KLHL5: variants seen among roughly 807,000 people sequenced by gnomAD.
KLHL5 encodes kelch like family member 5.
In KLHL5, 48 loss-of-function variants were observed where a neutral mutation model predicts 77.7. That is an observed-to-expected ratio of 0.62 (90% CI 0.49 to 0.79). The LOEUF (loss-of-function observed/expected upper bound fraction) is 0.79, where lower values mean the gene tolerates loss of function less well. Ranked by LOEUF, KLHL5 falls within the 30% of genes least tolerant of loss-of-function variation. KLHL5 has a pLI of 0.00. For synonymous variants in KLHL5, 260 were observed against 297.0 expected, an observed-to-expected ratio of 0.88 and a Z score of 1.28; for missense variants, 723 against 859.7, an observed-to-expected ratio of 0.84 and a Z score of 1.99.
the KLHL5 span, among the ~76,000 whole-genome samples, chr4:39,139,168 G>A: frequency 2.0e-5 from 3 of 151,930 alleles, no homozygotes; most frequent in South Asian, 6.2e-4. Context: ...TGTAATCCCA[G>A]CTACTCGGGA....
intron 8 of KLHL5, 46 bp downstream of exon 8, chr4:39,107,777 T>G (rs756682286): frequency 6.9e-6 from 10 of 1,442,250 alleles, no homozygotes; most frequent in African/African-American, 1.4e-5. Flanking sequence ...TACACCAAAT[T>G]TATTAAGCTA....
At chr4:39,119,395 G>T (rs183455721) in intron 10 of KLHL5, among the ~76,000 whole-genome samples, 1 of 152,236 alleles carries the variant, frequency 6.6e-6, no homozygotes, top group African/African-American at 2.4e-5. Flanking sequence ...GAGACAGCCT[G>T]GGCAACATGG....
chr4:39,068,603 A>G (rs1560411711), intron 1 of KLHL5, among the ~76,000 whole-genome samples: 1 of 152,174 alleles, frequency 6.6e-6, no homozygotes, highest in Non-Finnish European at 1.5e-5. Context: ...ATTGAATCAT[A>G]ATAGTTCCCA....
Position 39,081,019 on chromosome 4 carries a change from A to C in KLHL5, c.567-84A>C. 1.4e-6 allele frequency: 2 copies of C among 1,387,672 alleles called. No homozygotes were observed. Among genetic ancestry groups the C allele is most frequent in the African/African-American group, 1.4e-5 (1 of 69,084 alleles). The allele number at this position is 1,387,672 out of a possible 1,614,324, so 86.0% of individuals were successfully genotyped here. ...CCTAGTACCATGCACTGTGAGTAAC[A>C]AATAAAAAAGAAGCAGCAGCATTTA... On this transcript the variant is annotated intron_variant, in intron 2 of 10. Coordinates refer to ENST00000504108, the MANE Select transcript of KLHL5 (RefSeq NM_015990.5). This position sits in a 1 kb window ranked among gnomAD's most constrained non-coding sequence, Gnocchi z 4.3.
chr4:39,075,991 C>A lies in KLHL5; in HGVS notation c.410C>A (p.Ser137Ter). 1.2e-6 allele frequency: 2 copies of A among 1,610,534 alleles called. No homozygotes were observed. The highest frequency in any genetic ancestry group is 2.2e-5 in the South Asian group (2 of 90,102). Reference protein sequence around the residue: ...CRTSNSSQTLSSCHTMEPCTS... With the variant: ...CRTSNSSQTL ...ACTTCCAATAGTAGTCAGACATTAT[C>A]ATCCTGTCATACTATGGAGCCATGT... The change falls in exon 2 of 11, where the codon TCA (serine) becomes TAA (stop). Residue 137 changes from serine to a stop codon, truncating the protein, a stop_gained. Transcript: ENST00000504108. LOFTEE classifies it high-confidence loss of function.
intron 7 of KLHL5, among the ~76,000 whole-genome samples, chr4:39,105,055 G>A (rs1483755652): frequency 7.9e-5 from 12 of 151,938 alleles, no homozygotes; most frequent in East Asian, 3.9e-4. Flanking sequence ...GAGCCACCAC[G>A]CCTGGCCTAA....
At chr4:39,080,548 ATGTAT>A (rs1719518862) in intron 2 of KLHL5, among the ~76,000 whole-genome samples, 1 of 151,704 alleles carries the variant, frequency 6.6e-6, no homozygotes. Flanking sequence ...TATAATTTAA[ATGTAT>A]TATATATGAC....
chr4:39,129,072 G>A (rs1165405646), downstream of KLHL5, among the ~76,000 whole-genome samples: 2 of 151,152 alleles, frequency 1.3e-5, no homozygotes, highest in African/African-American at 4.9e-5. This position sits in a 1 kb window ranked among gnomAD's most constrained non-coding sequence, Gnocchi z 4.2. Context: ...TCCCAACCTT[G>A]TTTAAGTAGC....
At chr4:39,131,520 A>T (rs1488414731), downstream of KLHL5, among the ~76,000 whole-genome samples, 3 of 152,344 alleles carry the variant, frequency 2.0e-5, no homozygotes, top group East Asian at 5.8e-4. Flanking sequence ...CCACAAATTC[A>T]GAATGAAACA....
At chr4:39,074,151 ACC>A (rs1718779812) in intron 1 of KLHL5, among the ~76,000 whole-genome samples, 1 of 152,168 alleles carries the variant, frequency 6.6e-6, no homozygotes, top group African/African-American at 2.4e-5. Context: ...AAGTCATTAC[ACC>A]AGTAATATTC....
At chr4:39,112,847 C>T (rs1318039196) in intron 8 of KLHL5, 173 bp from the exon 9 acceptor site, 9 of 603,302 alleles carry the variant, frequency 1.5e-5, no homozygotes, top group African/African-American at 1.9e-5. Flanking sequence ...ATATATGATA[C>T]TTACATGTGT....
At chr4:39,092,363 G>T (rs1383736632) in intron 5 of KLHL5, among the ~76,000 whole-genome samples, 2 of 152,030 alleles carry the variant, frequency 1.3e-5, no homozygotes, top group Admixed American at 1.3e-4. Context: ...ATAATTTATA[G>T]ATACTATCTG....
In KLHL5 at chr4:39,081,934, G is replaced by A. The variant is rs751479086; in HGVS notation, c.704-29G>A. On this transcript the variant is annotated intron_variant, in intron 3 of 10. Transcript: ENST00000504108. This position sits in a 1 kb window ranked among gnomAD's most constrained non-coding sequence, Gnocchi z 4.3. Reference sequence around the variant, plus strand: ...TAAAATAAGGTTAATGTAGTTCCATGGCTAATGGAATTTCTTTTTATCATT... The same window carrying A: ...TAAAATAAGGTTAATGTAGTTCCATAGCTAATGGAATTTCTTTTTATCATT... 6.7e-7 allele frequency: 1 copy of A among 1,484,428 alleles called. No individual in the cohort carries two copies. The highest frequency in any genetic ancestry group is 9.2e-7 in the Non-Finnish European group (1 of 1,092,440). 92.0% of individuals were successfully genotyped at this position (1,484,428 alleles called of 1,614,324 possible).
chr4:39,062,436 A>G lies in KLHL5; in HGVS notation c.-217A>G. On this transcript the variant is annotated 5_prime_UTR_variant, in exon 1 of 11. Transcript: ENST00000504108. ...TTGCTCTGATTGAACGGAATGTTCC[A>G]CCGTGTTTCATCTTTATTCATTATC... 6.6e-7 allele frequency: 1 copy of G among 1,522,380 alleles called. No homozygotes were observed. The highest frequency in any genetic ancestry group is 1.3e-5 in the South Asian group (1 of 75,294). The allele number at this position is 1,522,380 out of a possible 1,614,324, so 94.3% of individuals were successfully genotyped here.
intron 1 of KLHL5, chr4:39,045,140 G>C: frequency 1.7e-5 from 17 of 984,258 alleles, no homozygotes; most frequent in Non-Finnish European, 1.9e-5. Flanking sequence ...GGGCCGCCTC[G>C]GGCAGGGCCC....
intron 5 of KLHL5, among the ~76,000 whole-genome samples, chr4:39,092,881 A>G (rs1720716989): frequency 6.6e-6 from 1 of 152,232 alleles, no homozygotes; most frequent in African/African-American, 2.4e-5. Context: ...GTGCAAAAAC[A>G]GGAACCCTCG....
chr4:39,046,297 G>A (rs1016750194), intron 1 of KLHL5, among the ~76,000 whole-genome samples: 1 of 151,988 alleles, frequency 6.6e-6, no homozygotes, highest in African/African-American at 2.4e-5. Context: ...AAACTAAATG[G>A]GAAAATTGAG....
chr4:39,054,362 C>T (rs981015688), intron 1 of KLHL5, among the ~76,000 whole-genome samples: 3 of 152,208 alleles, frequency 2.0e-5, no homozygotes, highest in African/African-American at 7.2e-5. Context: ...TAATTAATCT[C>T]ACTTCAGTAT....
At chr4:39,133,568 TA>T in the KLHL5 span, among the ~76,000 whole-genome samples, 65,365 of 133,828 alleles carry the variant, frequency 0.49, 16,685 homozygotes, top group Non-Finnish European at 0.61. Context: ...CCCCATTTCC[TA>T]AAAAAAAAAA....
Sources: gnomAD v4.1 joint callset for allele counts (sites outside exome capture counted in the v4.1 genomes callset) on GRCh38, gnomAD v4.1.1 for gene constraint, Gnocchi (gnomAD v3.1) non-coding constraint, MANE v1.5 for transcripts, NCBI Gene and HGNC (gene_info 2026-07-23, HGNC 2026-07-21) for gene names.